The following RELN variants were observed in gnomAD, a reference collection of about 807,000 sequenced individuals.
RELN encodes reelin.
In RELN, 108 loss-of-function variants were observed where a neutral mutation model predicts 427.6. That is an observed-to-expected ratio of 0.25 (90% CI 0.22 to 0.30). The LOEUF (loss-of-function observed/expected upper bound fraction) is 0.30. RELN is among the 10% of genes least tolerant of loss of function. The pLI is 1.00. For missense variants in RELN, 3,715 were observed against 4,302.8 expected (o/e 0.86, Z 3.82); for synonymous variants, 1,524 against 1,513.4 (o/e 1.01, Z -0.16).
At chr7:103,940,578 T>C (rs942387881) in intron 1 of RELN, among the ~76,000 whole-genome samples, 4 of 152,174 alleles carry the variant, frequency 2.6e-5, no homozygotes, top group Non-Finnish European at 2.9e-5. Context: ...TATCCCCTTA[T>C]GTGGACCCCC....
intron 4 of RELN, among the ~76,000 whole-genome samples, chr7:103,770,670 G>C (rs960702415): frequency 1.3e-5 from 2 of 151,384 alleles, no homozygotes; most frequent in Non-Finnish European, 2.9e-5. Context: ...TTTTTTAATG[G>C]ACAAATAATA....
intron 2 of RELN, among the ~76,000 whole-genome samples, chr7:103,881,249 T>C (rs2237643): frequency 0.48 from 72,681 of 151,880 alleles, 17,665 homozygotes; most frequent in Non-Finnish European, 0.53. Context: ...ACACTTTCCA[T>C]TCCTCATCTT....
At chr7:103,495,610 T>C (rs1156630866) in intron 57 of RELN, 113 bp downstream of exon 57, 2 of 1,010,860 alleles carry the variant, frequency 2.0e-6, no homozygotes, top group African/African-American at 3.2e-5. Context: ...TAAGATAAAG[T>C]CTTTTTTAAT....
chr7:103,657,609 G>C (rs1383649350), intron 12 of RELN, among the ~76,000 whole-genome samples: 9 of 152,186 alleles, frequency 5.9e-5, no homozygotes, highest in Middle Eastern at 3.4e-3. Flanking sequence ...GCCCTTCAGA[G>C]ATAACTGAAA....
chr7:103,689,189 T>C (rs1183104584), intron 10 of RELN, among the ~76,000 whole-genome samples: 2 of 152,072 alleles, frequency 1.3e-5, no homozygotes, highest in African/African-American at 2.4e-5. Context: ...TTAAAACAAG[T>C]TGACATAAAT....
chr7:103,759,587 T>C (rs1379047444), intron 4 of RELN, among the ~76,000 whole-genome samples: 3 of 152,134 alleles, frequency 2.0e-5, no homozygotes, highest in African/African-American at 7.2e-5. Flanking sequence ...TCCCAAGAAA[T>C]ATCTTTGGGA....
At chr7:103,830,117 C>G (rs371290037) in intron 3 of RELN, among the ~76,000 whole-genome samples, 5 of 118,580 alleles carry the variant, frequency 4.2e-5, no homozygotes, top group African/African-American at 1.3e-4. Flanking sequence ...AAATACAACC[C>G]TACTTCAGAG....
chr7:103,793,886 C>G (rs1323371764), intron 3 of RELN, among the ~76,000 whole-genome samples: 2 of 152,086 alleles, frequency 1.3e-5, no homozygotes, highest in Non-Finnish European at 2.9e-5. Flanking sequence ...CGTGCCTCAG[C>G]CTTCAGAGTA....
chr7:103,473,313 A>G (rs888631183), intron 64 of RELN, among the ~76,000 whole-genome samples: 2 of 152,234 alleles, frequency 1.3e-5, no homozygotes, highest in African/African-American at 2.4e-5. Flanking sequence ...CAAGTAGGAA[A>G]AATAATTTGG....
At chr7:103,561,994 A>G in intron 34 of RELN, 41 bp from the exon 35 acceptor site, 1 of 1,589,606 alleles carries the variant, frequency 6.3e-7, no homozygotes, top group Non-Finnish European at 8.6e-7. Flanking sequence ...CACTGGTTTG[A>G]CAAGCAACCT....
chr7:103,742,416 G>C (rs1440796733), intron 6 of RELN, among the ~76,000 whole-genome samples: 1 of 152,206 alleles, frequency 6.6e-6, no homozygotes, highest in African/African-American at 2.4e-5. Flanking sequence ...ACTGGATGGA[G>C]AATGACTTTG....
intron 1 of RELN, among the ~76,000 whole-genome samples, chr7:103,945,737 C>T (rs1406528603): frequency 6.6e-6 from 1 of 152,200 alleles, no homozygotes; most frequent in East Asian, 1.9e-4. Flanking sequence ...TGATGGACCT[C>T]ATATACGGCA....
In RELN at chr7:103,875,027, A is replaced by C; in HGVS notation, c.338-41355T>G. ...AAACAGAGATACAGATCAATGGAAC[A>C]GAATAGAGCCCTCAGAAATAACGCC... is the stretch of plus-strand genomic sequence containing the variant. On this transcript the variant is annotated intron_variant, in intron 2 of 64. Coordinates refer to ENST00000428762, the MANE Select transcript of RELN (RefSeq NM_005045.4). 1.4e-5 allele frequency among the ~76,000 whole-genome samples: 2 copies of C among 145,648 alleles called. 1 individual carries two copies. The highest frequency in any genetic ancestry group is 3.0e-5 in the Non-Finnish European group (2 of 65,746).
Position 103,640,670 on chromosome 7 carries a change from G to T in RELN, c.2003-61C>A. The T allele has an allele frequency of 6.5e-7, 1 of 1,545,014 alleles. No homozygotes were observed. On this transcript the variant is annotated intron_variant, in intron 16 of 64. Transcript: ENST00000428762. The surrounding 1 kb of genome is among the most constrained non-coding windows in gnomAD (Gnocchi z 4.1). ...CATAGAACACTACCAGTACAATTTT[G>T]TGAAGTAATACTCATGAAATATGGC...
Position 103,654,329 on chromosome 7 carries a change from A to C in RELN, c.1442-124T>G. On this transcript the variant is annotated intron_variant, in intron 12 of 64. Transcript: ENST00000428762. The stretch of plus-strand genomic sequence containing the variant: ...CCAGATGTCACTTAAGAATAACCCT[A>C]AACAAAGGTAAACAGACTCAAGGAA... The C allele has an allele frequency of 1.5e-5, 10 of 671,116 alleles. No individual in the cohort carries two copies. The South Asian group carries it at 1.6e-4, about 11-fold the overall frequency. The allele number at this position is 671,116 out of a possible 1,614,324, so 41.6% of individuals were successfully genotyped here.
At chr7:103,486,651 A>G (rs1341907556) in intron 60 of RELN, among the ~76,000 whole-genome samples, 1 of 152,228 alleles carries the variant, frequency 6.6e-6, no homozygotes, top group Non-Finnish European at 1.5e-5. Flanking sequence ...AAACATATGA[A>G]AAAAAGCTCA....
At chr7:103,572,333 A>T in intron 30 of RELN, 73 bp from the exon 31 acceptor site, 2 of 836,766 alleles carry the variant, frequency 2.4e-6, no homozygotes, top group East Asian at 4.9e-5. Flanking sequence ...GTTTTGACAC[A>T]TTAGAAAAAA....
At chr7:103,745,998 G>C (rs967079317) in intron 6 of RELN, among the ~76,000 whole-genome samples, 23 of 152,066 alleles carry the variant, frequency 1.5e-4, no homozygotes, top group African/African-American at 5.5e-4. Flanking sequence ...GAGGCATCAC[G>C]CTACCTGACT....
intron 1 of RELN, among the ~76,000 whole-genome samples, chr7:103,961,734 T>C (rs1295262644): frequency 6.6e-6 from 1 of 152,170 alleles, no homozygotes; most frequent in Admixed American, 6.5e-5. Flanking sequence ...ACTTAGTTCT[T>C]TTCATGTTTC....
Sources: gnomAD v4.1 joint callset for allele counts (sites outside exome capture counted in the v4.1 genomes callset) on GRCh38, gnomAD v4.1.1 for gene constraint, Gnocchi (gnomAD v3.1) non-coding constraint, MANE v1.5 for transcripts, NCBI Gene and HGNC (gene_info 2026-07-23, HGNC 2026-07-21) for gene names.